FHIT: variants seen among roughly 807,000 people sequenced by gnomAD.
FHIT encodes bis(5'-adenosyl)-triphosphatase.
A neutral mutation model predicts 17.9 loss-of-function variants in FHIT; 19 were observed. The observed-to-expected ratio is 1.06, with a 90% CI of 0.74 to 1.56. FHIT has a LOEUF of 1.56. Among genes scored for constraint, FHIT ranks in the 40% most tolerant of loss-of-function variants. FHIT has a pLI of 0.00. For missense variants in FHIT, 248 were observed against 189.2 expected, an observed-to-expected ratio of 1.31 and a Z score of -1.82; for synonymous variants, 81 against 69.7, an observed-to-expected ratio of 1.16 and a Z score of -0.81.
At chr3:60,753,520 T>A (rs1384805069) in intron 4 of FHIT, among the ~76,000 whole-genome samples, 1 of 152,238 alleles carries the variant, frequency 6.6e-6, no homozygotes, top group Admixed American at 6.5e-5. Context: ...CTCTCCAATT[T>A]CATTTGGGAG....
intron 5 of FHIT, among the ~76,000 whole-genome samples, chr3:60,403,893 T>C (rs770792964): frequency 2.0e-5 from 3 of 152,210 alleles, no homozygotes; most frequent in Admixed American, 2.0e-4. Flanking sequence ...CTTCTATTCA[T>C]CTGCCTCTTG....
intron 4 of FHIT, among the ~76,000 whole-genome samples, chr3:60,569,725 C>CTA (rs1219009137): frequency 0.022 from 843 of 39,032 alleles, 17 homozygotes; most frequent in Non-Finnish European, 0.03. Flanking sequence ...TTTATTAATA[C>CTA]TATATATATA....
At chr3:59,849,152 C>A (rs1488572528) in intron 8 of FHIT, among the ~76,000 whole-genome samples, 1 of 152,154 alleles carries the variant, frequency 6.6e-6, no homozygotes, top group African/African-American at 2.4e-5. Context: ...AGGCAGATCA[C>A]TTGAGGCCAG....
At chr3:61,140,069 AG>A (rs750245509) in intron 2 of FHIT, among the ~76,000 whole-genome samples, 90 of 152,222 alleles carry the variant, frequency 5.9e-4, no homozygotes, top group Non-Finnish European at 1.0e-3. Flanking sequence ...TAAAGCATAA[AG>A]GTCAAGAGCA....
intron 8 of FHIT, among the ~76,000 whole-genome samples, chr3:59,919,788 G>T (rs1296591746): frequency 2.0e-5 from 3 of 152,174 alleles, no homozygotes; most frequent in African/African-American, 7.2e-5. Context: ...ATAATCTAGA[G>T]CAAGTGCTCC....
Position 60,569,547 on chromosome 3 carries a change from C to T in FHIT, c.-17-32568G>A, listed in dbSNP as rs192774338. Among the ~76,000 whole-genome samples the T allele has an allele frequency of 1.4e-3, 219 of 151,560 alleles. 3 individuals carry two copies. The highest frequency in any genetic ancestry group is 4.8e-3 in the African/African-American group (199 of 41,320). On this transcript the variant is annotated intron_variant, in intron 4 of 9. Transcript: ENST00000492590. The stretch of plus-strand genomic sequence containing the variant: ...ACCTTCATGTTTGAAGACACCAGGA[C>T]GATATAGTAGAGGAGAACGTAAGCT...
intron 2 of FHIT, among the ~76,000 whole-genome samples, chr3:61,105,810 T>C (rs984098671): frequency 6.6e-6 from 1 of 152,252 alleles, no homozygotes; most frequent in Non-Finnish European, 1.5e-5. Context: ...GGTTCTTTCC[T>C]ACTGGAGAAT....
chr3:60,072,276 T>G (rs1413660522), intron 5 of FHIT, among the ~76,000 whole-genome samples: 1 of 152,176 alleles, frequency 6.6e-6, no homozygotes, highest in African/African-American at 2.4e-5. Flanking sequence ...CAGCCCTTTA[T>G]ATTTAGAATG....
chr3:60,126,989 G>A (rs1337354887), intron 5 of FHIT, among the ~76,000 whole-genome samples: 1 of 152,158 alleles, frequency 6.6e-6, no homozygotes, highest in Non-Finnish European at 1.5e-5. Flanking sequence ...GAAATTTCAA[G>A]ATAAATGCAG....
intron 4 of FHIT, among the ~76,000 whole-genome samples, chr3:60,601,402 T>C (rs2107713723): frequency 6.6e-6 from 1 of 152,286 alleles, no homozygotes; most frequent in Middle Eastern, 3.4e-3. Flanking sequence ...TTAAATGATG[T>C]TGCTGGTCTG....
intron 7 of FHIT, among the ~76,000 whole-genome samples, chr3:59,923,435 C>A (rs2107196940): frequency 6.6e-6 from 1 of 152,222 alleles, no homozygotes; most frequent in East Asian, 1.9e-4. Context: ...TAGCCCATTT[C>A]TCTAGTCTAC....
At chr3:61,049,765 A>G (rs1575916009) in intron 2 of FHIT, among the ~76,000 whole-genome samples, 2 of 152,300 alleles carry the variant, frequency 1.3e-5, no homozygotes, top group East Asian at 1.9e-4. Flanking sequence ...AAACAGCAGA[A>G]GCGGGAAGGT....
At chr3:61,088,461 T>G (rs1304017626) in intron 2 of FHIT, among the ~76,000 whole-genome samples, 1 of 152,164 alleles carries the variant, frequency 6.6e-6, no homozygotes, top group Admixed American at 6.5e-5. Flanking sequence ...TACAGCCAAT[T>G]TAGCAAATCG....
chr3:59,753,782 C>T (rs1701050252), intron 8 of FHIT, among the ~76,000 whole-genome samples: 1 of 152,138 alleles, frequency 6.6e-6, no homozygotes, highest in African/African-American at 2.4e-5. Flanking sequence ...AAACTGAGTT[C>T]TGAGGAAGTT....
chr3:60,166,573 G>A (rs1178187456), intron 5 of FHIT, among the ~76,000 whole-genome samples: 1 of 152,152 alleles, frequency 6.6e-6, no homozygotes, highest in East Asian at 1.9e-4. Context: ...AAAGATGAAG[G>A]AATTCAGGCT....
intron 5 of FHIT, among the ~76,000 whole-genome samples, chr3:60,048,238 G>A (rs212053): frequency 0.11 from 16,725 of 152,130 alleles, 964 homozygotes; most frequent in Non-Finnish European, 0.13. Flanking sequence ...GTGCAGTGGC[G>A]TGATCTCAGA....
At chr3:60,456,878 G>T (rs1271775733) in intron 5 of FHIT, among the ~76,000 whole-genome samples, 1 of 152,100 alleles carries the variant, frequency 6.6e-6, no homozygotes, top group Non-Finnish European at 1.5e-5. Context: ...TACAAGAGAG[G>T]TGAAGGACCT....
intron 7 of FHIT, among the ~76,000 whole-genome samples, chr3:59,991,257 A>G (rs1005802757): frequency 6.6e-6 from 1 of 152,116 alleles, no homozygotes; most frequent in African/African-American, 2.4e-5. Flanking sequence ...TTGTGAATGT[A>G]AATTTACACA....
At chr3:60,066,691 CTG>C (rs1465006944) in intron 5 of FHIT, among the ~76,000 whole-genome samples, 1 of 98,046 alleles carries the variant, frequency 1.0e-5, no homozygotes, top group Non-Finnish European at 1.9e-5. Flanking sequence ...GAGTCTTGCT[CTG>C]TCACCCAGGC....
Sources: gnomAD v4.1 joint callset for allele counts (sites outside exome capture counted in the v4.1 genomes callset) on GRCh38, gnomAD v4.1.1 for gene constraint, MANE v1.5 for transcripts, NCBI Gene and HGNC (gene_info 2026-07-23, HGNC 2026-07-21) for gene names.